SPON1: variants seen among roughly 807,000 people sequenced by gnomAD.
The protein encoded by SPON1 is spondin 1.
Under a neutral mutation model 111.7 loss-of-function variants are expected in SPON1, and 52 were observed. That is an observed-to-expected ratio of 0.47 (90% CI 0.37 to 0.59). The LOEUF is 0.59. Ranked by LOEUF, SPON1 falls within the 20% of genes least tolerant of loss-of-function variation. SPON1 has a pLI of 0.00. For missense variants in SPON1, 957 were observed against 1,068.5 expected (o/e 0.90, Z 1.46); for synonymous variants, 410 against 395.8 (o/e 1.04, Z -0.43).
intron 4 of SPON1, among the ~76,000 whole-genome samples, chr11:14,077,424 C>G (rs1554921601): frequency 2.0e-5 from 3 of 151,822 alleles, no homozygotes; most frequent in Non-Finnish European, 2.9e-5. Flanking sequence ...CATACACATA[C>G]TTTATTTTTT....
At chr11:14,132,466 T>A (rs1169712604) in intron 5 of SPON1, among the ~76,000 whole-genome samples, 1 of 152,178 alleles carries the variant, frequency 6.6e-6, no homozygotes, top group African/African-American at 2.4e-5. Flanking sequence ...TCCTTGGATC[T>A]GGGGAATTTG....
intron 6 of SPON1, among the ~76,000 whole-genome samples, chr11:14,218,506 C>A (rs1158618721): frequency 6.6e-6 from 1 of 152,200 alleles, no homozygotes; most frequent in Non-Finnish European, 1.5e-5. Context: ...CCCCAGCACC[C>A]AGTACACTTA....
chr11:14,255,812 C>A (rs1190281676), intron 9 of SPON1, 25 bp downstream of exon 9: 1 of 1,609,166 alleles, frequency 6.2e-7, no homozygotes, highest in Non-Finnish European at 8.5e-7. Context: ...CCCACTCTGG[C>A]ATCGACCTTT....
chr11:14,002,083 G>A (rs1350247913), intron 2 of SPON1, among the ~76,000 whole-genome samples: 2 of 151,968 alleles, frequency 1.3e-5, no homozygotes, highest in African/African-American at 2.4e-5. Context: ...AAGCAAAACT[G>A]GTAAAAATAT....
intron 1 of SPON1, among the ~76,000 whole-genome samples, chr11:13,966,738 C>T (rs1848020619): frequency 6.6e-6 from 1 of 152,136 alleles, no homozygotes; most frequent in Non-Finnish European, 1.5e-5. Flanking sequence ...AGCGCACAGG[C>T]TTTGATGTTG....
intron 2 of SPON1, among the ~76,000 whole-genome samples, chr11:14,032,432 T>C (rs1848565828): frequency 6.6e-6 from 1 of 152,212 alleles, no homozygotes; most frequent in Non-Finnish European, 1.5e-5. Context: ...AGCCAGCCTG[T>C]GGTGTTAATG....
At chr11:14,257,582 C>A in intron 10 of SPON1, 134 bp from the exon 11 acceptor site, 1 of 693,990 alleles carries the variant, frequency 1.4e-6, no homozygotes. Flanking sequence ...TGCTTCCATC[C>A]CAGGAGCACC....
rs144509020 is a variant in SPON1 at position 14,128,861 on chromosome 11, C to T, written c.677-6559C>T. Among the ~76,000 whole-genome samples, 475 of 152,380 alleles carry T rather than the reference C, an allele frequency of 3.1e-3. 2 individuals are homozygous for T. Among genetic ancestry groups the T allele is most frequent in the African/African-American group, 0.011 (444 of 41,592 alleles). On this transcript the variant is annotated intron_variant, in intron 5 of 15. Coordinates refer to ENST00000576479, the MANE Select transcript of SPON1 (RefSeq NM_006108.4). ...GTGTACCCACAGACCCCCAACACCACGTAGAAGCAGCCAAGGCTTGGGGCT... is the reference window on the plus strand; with the variant it reads ...GTGTACCCACAGACCCCCAACACCATGTAGAAGCAGCCAAGGCTTGGGGCT...
At chr11:14,146,534 T>G (rs1406309959) in intron 6 of SPON1, among the ~76,000 whole-genome samples, 1 of 152,164 alleles carries the variant, frequency 6.6e-6, no homozygotes, top group Admixed American at 6.5e-5. Context: ...AAAAAAATAC[T>G]GCATAACTTA....
chr11:14,113,225 A>G (rs1849238771), intron 5 of SPON1, among the ~76,000 whole-genome samples: 1 of 152,212 alleles, frequency 6.6e-6, no homozygotes, highest in Non-Finnish European at 1.5e-5. Flanking sequence ...CTCTCCATCA[A>G]GAGAAAACAG....
intron 7 of SPON1, among the ~76,000 whole-genome samples, chr11:14,252,114 G>A (rs1461085118): frequency 6.6e-6 from 1 of 152,230 alleles, no homozygotes; most frequent in Admixed American, 6.5e-5. Context: ...GTCATCATAC[G>A]CATATTTGTT....
chr11:14,098,226 A>G (rs1486399504), intron 5 of SPON1, among the ~76,000 whole-genome samples: 1 of 152,088 alleles, frequency 6.6e-6, no homozygotes, highest in African/African-American at 2.4e-5. Flanking sequence ...TCGATCTCCT[A>G]ACCTTGTGAT....
At position 14,259,842 on chromosome 11, in the gene SPON1, A is replaced by C; in HGVS notation, c.1831+141A>C. The C allele has an allele frequency of 1.1e-6, 1 of 919,732 alleles. No homozygotes were observed. Among genetic ancestry groups the C allele is most frequent in the Non-Finnish European group, 1.6e-6 (1 of 613,796 alleles). The allele number at this position is 919,732 out of a possible 1,614,324, so 57.0% of individuals were successfully genotyped here. A position where few individuals can be genotyped will look rare whatever the true frequency, so the allele number is the denominator to read the frequency against. On this transcript the variant is annotated intron_variant, in intron 13 of 15. Coordinates refer to ENST00000576479, the MANE Select transcript of SPON1 (RefSeq NM_006108.4). This position sits in a 1 kb window ranked among gnomAD's most constrained non-coding sequence, Gnocchi z 5.0. ...ATGGTCCTTGCTGGGCACTGCTGGG[A>C]GCCAGATGAGAGACATAGGTGTGTA... is the stretch of plus-strand genomic sequence containing the variant.
intron 3 of SPON1, among the ~76,000 whole-genome samples, chr11:14,067,720 G>A (rs1848843783): frequency 6.6e-6 from 1 of 152,156 alleles, no homozygotes; most frequent in Non-Finnish European, 1.5e-5. Flanking sequence ...TGGGTCACAT[G>A]TCCTACCACC....
intron 2 of SPON1, among the ~76,000 whole-genome samples, chr11:14,021,308 T>C (rs1848480004): frequency 6.6e-6 from 1 of 152,000 alleles, no homozygotes; most frequent in Admixed American, 6.5e-5. Flanking sequence ...GAAAAAATAG[T>C]AAGTTGTGTT....
At chr11:14,169,077 A>G (rs1334159531) in intron 6 of SPON1, among the ~76,000 whole-genome samples, 4 of 152,208 alleles carry the variant, frequency 2.6e-5, no homozygotes, top group Admixed American at 2.0e-4. Context: ...GAATCACCAC[A>G]CTGACTTCCA....
At chr11:14,022,019 G>T (rs1260798255) in intron 2 of SPON1, among the ~76,000 whole-genome samples, 2 of 152,160 alleles carry the variant, frequency 1.3e-5, no homozygotes, top group African/African-American at 4.8e-5. Context: ...TGTTCTCCTG[G>T]CAACACACAT....
intron 11 of SPON1, among the ~76,000 whole-genome samples, chr11:14,258,369 G>A (rs920067314): frequency 2.6e-5 from 4 of 152,174 alleles, no homozygotes; most frequent in African/African-American, 9.7e-5. Flanking sequence ...GAAATTCTCA[G>A]TCTATTTGCA....
At chr11:14,083,996 C>T (rs1291609731) in intron 5 of SPON1, among the ~76,000 whole-genome samples, 3 of 152,198 alleles carry the variant, frequency 2.0e-5, no homozygotes, top group Non-Finnish European at 4.4e-5. Flanking sequence ...TTATTCAAGA[C>T]AATCACAGTA....
Sources: gnomAD v4.1 joint callset for allele counts (sites outside exome capture counted in the v4.1 genomes callset) on GRCh38, gnomAD v4.1.1 for gene constraint, Gnocchi (gnomAD v3.1) non-coding constraint, MANE v1.5 for transcripts, NCBI Gene and HGNC (gene_info 2026-07-23, HGNC 2026-07-21) for gene names.